The following SVOPL variants were observed in gnomAD, a reference collection of about 807,000 sequenced individuals.
The protein encoded by SVOPL is putative transporter SVOPL.
In SVOPL, 60 loss-of-function variants were observed where a neutral mutation model predicts 61.0. The ratio of observed to expected loss-of-function variants is 0.98; its 90% CI spans 0.80 to 1.22. SVOPL has a LOEUF of 1.22. Among genes scored for constraint, SVOPL ranks in the 50% most tolerant of loss-of-function variants. The probability of loss-of-function intolerance (pLI) is 0.00; values close to 1 mark genes in which losing one functional copy is unlikely to be tolerated. For synonymous variants in SVOPL, 279 were observed against 250.0 expected (o/e 1.12, Z -1.09); for missense variants, 662 against 643.9 (o/e 1.03, Z -0.30).
In SVOPL at chr7:138,631,586, T is replaced by G. The variant is rs555056662; in HGVS notation, c.790-1464A>C. Among the ~76,000 whole-genome samples the G allele has an allele frequency of 2.2e-4, 34 of 152,136 alleles. No homozygotes were observed. The South Asian group carries it at 4.4e-3, about 20-fold the overall frequency. ...TCTCCCCTCCCCAAAGCTTTTTTTTTGGGAAGGAGTCTCGCTCTGTCACCC... is the reference window on the plus strand; with the variant it reads ...TCTCCCCTCCCCAAAGCTTTTTTTTGGGGAAGGAGTCTCGCTCTGTCACCC... On this transcript the variant is annotated intron_variant, in intron 9 of 15. Transcript: ENST00000674285.
intron 14 of SVOPL, among the ~76,000 whole-genome samples, chr7:138,611,628 G>A: frequency 6.6e-6 from 1 of 151,872 alleles, no homozygotes; most frequent in East Asian, 1.9e-4. Flanking sequence ...AGAACATCAG[G>A]CATTTATATA....
chr7:138,697,043 T>C (rs1406689440), intron 1 of SVOPL, among the ~76,000 whole-genome samples: 1 of 152,140 alleles, frequency 6.6e-6, no homozygotes, highest in African/African-American at 2.4e-5. Flanking sequence ...CACAATATTG[T>C]GAATGTACTA....
At chr7:138,611,507 G>A (rs1019422834) in intron 14 of SVOPL, among the ~76,000 whole-genome samples, 2 of 152,114 alleles carry the variant, frequency 1.3e-5, no homozygotes, top group African/African-American at 2.4e-5. Flanking sequence ...ATAAGTTCAT[G>A]GCTTATTGGA....
intron 14 of SVOPL, among the ~76,000 whole-genome samples, chr7:138,611,861 G>GC: frequency 1.3e-5 from 1 of 75,934 alleles, no homozygotes; most frequent in South Asian, 6.0e-4. Flanking sequence ...CGAGATTGCA[G>GC]CCTCTGCCCG....
intron 1 of SVOPL, among the ~76,000 whole-genome samples, chr7:138,700,335 C>CTTTT (rs776461183): frequency 0.22 from 22,053 of 99,464 alleles, 2,697 homozygotes; most frequent in Admixed American, 0.28. Flanking sequence ...TTCCGTATGT[C>CTTTT]TTTTTTTTTT....
chr7:138,627,084 A>G (rs901635400), intron 12 of SVOPL, among the ~76,000 whole-genome samples: 4 of 152,304 alleles, frequency 2.6e-5, no homozygotes, highest in Admixed American at 2.6e-4. Context: ...AGCATTACAT[A>G]ATGATCCTCA....
chr7:138,637,273 C>A (rs1472847407), intron 9 of SVOPL, among the ~76,000 whole-genome samples: 2 of 151,706 alleles, frequency 1.3e-5, no homozygotes, highest in East Asian at 3.9e-4. Context: ...ACTAAAAATA[C>A]AAAAATTAGT....
intron 9 of SVOPL, among the ~76,000 whole-genome samples, chr7:138,636,973 T>A (rs1211303514): frequency 6.6e-6 from 1 of 152,248 alleles, no homozygotes; most frequent in East Asian, 1.9e-4. Flanking sequence ...TAAAACAGTG[T>A]CATATCATAC....
At position 138,629,357 on chromosome 7, in the gene SVOPL, A is replaced by G. The variant is rs538592370; in HGVS notation, c.863+692T>C. Among the ~76,000 whole-genome samples, 5 of 151,822 alleles carry G rather than the reference A, an allele frequency of 3.3e-5. No homozygotes were observed. In the South Asian group the frequency reaches 6.3e-4, roughly 19 times the overall value. ...GAGATTCTCCTGCCTCAGCCTCCCA[A>G]GTAGCTGGGATTACAGGCACCCACC... On this transcript the variant is annotated intron_variant, in intron 10 of 15. Transcript: ENST00000674285.
intron 1 of SVOPL, among the ~76,000 whole-genome samples, chr7:138,691,686 G>A (rs571153253): frequency 2.6e-5 from 4 of 151,712 alleles, no homozygotes; most frequent in Admixed American, 6.6e-5. Flanking sequence ...GATTACAGGC[G>A]TGCACCACCA....
chr7:138,611,917 G>C (rs1290354561), intron 14 of SVOPL, among the ~76,000 whole-genome samples: 14 of 13,676 alleles, frequency 1.0e-3, no homozygotes, highest in South Asian at 2.9e-3. Context: ...CATTGAGAAC[G>C]GGCCAGGATG....
chr7:138,639,311 G>A (rs1051561936), intron 9 of SVOPL, among the ~76,000 whole-genome samples: 1 of 150,822 alleles, frequency 6.6e-6, no homozygotes, highest in African/African-American at 2.4e-5. Flanking sequence ...GCCAGGAGAA[G>A]TAAGTGGGTC....
chr7:138,676,935 G>A (rs931081056), intron 3 of SVOPL, among the ~76,000 whole-genome samples: 10 of 99,474 alleles, frequency 1.0e-4, no homozygotes, highest in African/African-American at 4.3e-4. Flanking sequence ...ATGAAGTCTC[G>A]CTCTGTCATC....
Position 138,699,018 on chromosome 7 carries a change from A to G in SVOPL, c.-35+2160T>C, listed in dbSNP as rs150439596. 3.6e-3 allele frequency among the ~76,000 whole-genome samples: 546 copies of G among 152,290 alleles called. 7 individuals are homozygous for G. Among genetic ancestry groups the G allele is most frequent in the African/African-American group, 0.012 (512 of 41,564 alleles). ...ATACAAAAAATTAGCTGGATATGGTAGCACATGCCTGTAGTCCCAACTACT... is the reference window on the plus strand; with the variant it reads ...ATACAAAAAATTAGCTGGATATGGTGGCACATGCCTGTAGTCCCAACTACT... On this transcript the variant is annotated intron_variant, in intron 1 of 15. Transcript: ENST00000674285.
chr7:138,685,854 A>G (rs963236914), intron 1 of SVOPL, among the ~76,000 whole-genome samples: 115 of 151,210 alleles, frequency 7.6e-4, no homozygotes, highest in African/African-American at 2.8e-3. Flanking sequence ...CCTGGGCAAC[A>G]GAGCAAGACT....
chr7:138,695,619 T>TG (rs1281738021), intron 1 of SVOPL, among the ~76,000 whole-genome samples: 1 of 151,994 alleles, frequency 6.6e-6, no homozygotes, highest in African/African-American at 2.4e-5. Flanking sequence ...TCTTGAGACC[T>TG]GGGGGGGCTT....
At chr7:138,661,641 C>T (rs1802005266) in intron 5 of SVOPL, 2 of 974,300 alleles carry the variant, frequency 2.1e-6, no homozygotes, top group Non-Finnish European at 2.4e-6. Context: ...TTTGTGACAC[C>T]AAGAAAGATG....
chr7:138,678,910 G>T, intron 2 of SVOPL, 54 bp downstream of exon 2: 1 of 1,513,118 alleles, frequency 6.6e-7, no homozygotes. Flanking sequence ...ACCTTAAAAA[G>T]GATTCTTAAC....
chr7:138,617,592 T>A (rs1799356776), intron 14 of SVOPL, among the ~76,000 whole-genome samples: 1 of 152,106 alleles, frequency 6.6e-6, no homozygotes, highest in African/African-American at 2.4e-5. Flanking sequence ...TTCACACCTG[T>A]AATCCCAGCA....
Sources: allele counts gnomAD v4.1 joint callset (sites outside exome capture counted in the v4.1 genomes callset), GRCh38; gene constraint gnomAD v4.1.1; transcripts MANE v1.5; gene names NCBI Gene and HGNC (gene_info 2026-07-23, HGNC 2026-07-21).